Variants in RANGAP1 observed in about 807,000 individuals in gnomAD.
The protein encoded by RANGAP1 is Ran GTPase activating protein 1, also known as ran GTPase-activating protein 1.
Under a neutral mutation model 63.5 loss-of-function variants are expected in RANGAP1, and 38 were observed. The observed-to-expected ratio is 0.60, with a 90% confidence interval of 0.46 to 0.78. RANGAP1 has a LOEUF of 0.78. Ranked by LOEUF, RANGAP1 falls within the 30% of genes least tolerant of loss-of-function variation. The pLI, the probability that RANGAP1 is intolerant of heterozygous loss-of-function variation, is 0.00. For synonymous variants in RANGAP1, 329 were observed against 310.5 expected (o/e 1.06, Z -0.63); for missense variants, 630 against 740.3 (o/e 0.85, Z 1.73).
At chr22:41,250,499 C>T (rs1304884037) in intron 13 of RANGAP1, among the ~76,000 whole-genome samples, 1 of 152,102 alleles carries the variant, frequency 6.6e-6, no homozygotes, top group East Asian at 1.9e-4. Flanking sequence ...TGGAAGGTGA[C>T]AGGTGCTGGA....
chr22:41,246,302 TGGA>T lies in RANGAP1; in HGVS notation c.*298_*300del. On this transcript the variant is annotated 3_prime_UTR_variant, in exon 16 of 16. Transcript: ENST00000356244. ...CGGAGATCAGCAGAGCGCCCTCAGG[TGGA>T]GGTGAGTTTAATGGCGGAGCAGCTC... 1 of 259,530 alleles carries T rather than the reference TGGA, an allele frequency of 3.9e-6. No homozygotes were observed. The highest frequency in any genetic ancestry group is 5.1e-5 in the Admixed American group (1 of 19,748). The allele number at this position is 259,530 out of a possible 1,614,324, so 16.1% of individuals were successfully genotyped here. A position where few individuals can be genotyped will look rare whatever the true frequency, so the allele number is the denominator to read the frequency against.
upstream of RANGAP1, among the ~76,000 whole-genome samples, chr22:41,286,411 C>T (rs985424000): frequency 2.6e-5 from 4 of 152,264 alleles, no homozygotes; most frequent in Admixed American, 1.3e-4. Context: ...TTCGCCCTCC[C>T]CTGGTGGCTT....
chr22:41,249,787 G>A lies in RANGAP1; in HGVS notation c.1514C>T (p.Ser505Leu), dbSNP rs766559491. 8.1e-6 allele frequency: 13 copies of A among 1,613,876 alleles called. No homozygotes were observed. Among genetic ancestry groups the A allele is most frequent in the South Asian group, 5.5e-5 (5 of 91,084 alleles). ...DALMQKAFNS[S>L]SFNSNTFLTR... The stretch of plus-strand genomic sequence containing the variant: ...GAGGAAGGTGTTGGAGTTGAAGGAC[G>A]AGGAGTTGAAAGCCTTCTGCATCAG... Residue 505 changes from serine (S) to leucine (L), a missense_variant, in exon 14 of 16, where the codon TCG (serine) becomes TTG (leucine). By Grantham distance (145) the Ser-to-Leu change is moderately radical (BLOSUM62 -2). Coordinates refer to ENST00000356244, the MANE Select transcript of RANGAP1 (RefSeq NM_002883.4).
intron 15 of RANGAP1, among the ~76,000 whole-genome samples, chr22:41,247,181 G>T (rs944552590): frequency 1.3e-5 from 2 of 151,592 alleles, no homozygotes; most frequent in African/African-American, 4.9e-5. Flanking sequence ...TCAGCCTCCC[G>T]AGTAGCTGGG....
In RANGAP1 at chr22:41,281,384, T is replaced by C. The variant is rs1030317722; in HGVS notation, c.-38-302A>G. ...CCAGCAACACCATGTGAGCTGCCCATTTCCTGGGCCCCTTCAGTGAATGGC... is the reference window on the plus strand; with the variant it reads ...CCAGCAACACCATGTGAGCTGCCCACTTCCTGGGCCCCTTCAGTGAATGGC... On this transcript the variant is annotated intron_variant, in intron 1 of 15. Coordinates refer to ENST00000356244, the MANE Select transcript of RANGAP1 (RefSeq NM_002883.4). 2.2e-5 allele frequency: 22 copies of C among 1,001,068 alleles called. 1 individual carries two copies. The highest frequency in any genetic ancestry group is 2.5e-5 in the Non-Finnish European group (21 of 832,030). The allele number at this position is 1,001,068 out of a possible 1,614,324, so 62.0% of individuals were successfully genotyped here. A position where few individuals can be genotyped will look rare whatever the true frequency, so the allele number is the denominator to read the frequency against.
At chr22:41,263,731 A>G (rs1032248914) in intron 5 of RANGAP1, among the ~76,000 whole-genome samples, 1 of 152,202 alleles carries the variant, frequency 6.6e-6, no homozygotes, top group Non-Finnish European at 1.5e-5. Context: ...TTATTGCCCA[A>G]GTGGACTTGG....
At chr22:41,268,067 G>A (rs55893749) in intron 4 of RANGAP1, 30 bp downstream of exon 4, 81,389 of 1,505,226 alleles carry the variant, frequency 0.054, 2,612 homozygotes, top group Middle Eastern at 0.065. Flanking sequence ...GGCCTTGCGC[G>A]TGGAGGGGAA....
In RANGAP1 at chr22:41,280,966, C is replaced by T; in HGVS notation, c.79G>A (p.Gly27Ser). The change falls in exon 2 of 16, where the codon GGC becomes AGC. Residue 27 changes from glycine to serine, a missense_variant. Transcript: ENST00000356244. ...QVAGGQLSFK[G>S]KSLKLNTAED... ...GCAGTGTTGAGTTTGAGGCTCTTGC[C>T]TTTGAAACTCAGCTGTCCCCCGGCC... The T allele has an allele frequency of 1.2e-6, 2 of 1,614,020 alleles. No homozygotes were observed. Among genetic ancestry groups the T allele is most frequent in the Non-Finnish European group, 1.7e-6 (2 of 1,180,012 alleles).
At chr22:41,251,303 G>A (rs539867436) in intron 12 of RANGAP1, among the ~76,000 whole-genome samples, 194 bp from the exon 13 acceptor site, 1 of 152,254 alleles carries the variant, frequency 6.6e-6, no homozygotes, top group South Asian at 2.1e-4. Context: ...AGCATAGAGA[G>A]GGAATGAATG....
chr22:41,276,956 G>C (rs1426977028), intron 2 of RANGAP1, among the ~76,000 whole-genome samples: 1 of 145,870 alleles, frequency 6.9e-6, no homozygotes, highest in African/African-American at 2.5e-5. Flanking sequence ...CTGCACTCCA[G>C]CCTGGGCTAC....
intron 12 of RANGAP1, among the ~76,000 whole-genome samples, chr22:41,251,487 T>A (rs139501): frequency 0.83 from 125,872 of 152,016 alleles, 52,489 homozygotes; most frequent in African/African-American, 0.94. Flanking sequence ...TTAGCCAAGG[T>A]TGGTGGTGTG....
At chr22:41,298,993 C>T in the RANGAP1 span, among the ~76,000 whole-genome samples, 2 of 152,144 alleles carry the variant, frequency 1.3e-5, no homozygotes, top group African/African-American at 2.4e-5. Flanking sequence ...GTATCCTCAC[C>T]TGGCAGAGAG....
At chr22:41,265,977 C>G (rs895526699) in intron 4 of RANGAP1, among the ~76,000 whole-genome samples, 3 of 151,840 alleles carry the variant, frequency 2.0e-5, no homozygotes, top group Non-Finnish European at 4.4e-5. Context: ...CCAAGGTGGG[C>G]GGATCACGAG....
intron 2 of RANGAP1, among the ~76,000 whole-genome samples, chr22:41,279,075 G>A (rs899906833): frequency 3.3e-5 from 5 of 152,194 alleles, no homozygotes; most frequent in African/African-American, 1.2e-4. Context: ...CCCAGGAGGC[G>A]GAGCCTGCAG....
intron 5 of RANGAP1, among the ~76,000 whole-genome samples, chr22:41,264,181 G>T (rs1012584465): frequency 6.6e-6 from 1 of 152,172 alleles, no homozygotes; most frequent in Non-Finnish European, 1.5e-5. Flanking sequence ...AAGCAAAGAA[G>T]CTCCACTCTA....
the RANGAP1 span, among the ~76,000 whole-genome samples, chr22:41,296,180 C>T: frequency 6.6e-6 from 1 of 151,990 alleles, no homozygotes; most frequent in Non-Finnish European, 1.5e-5. Context: ...GATAGGAAGA[C>T]ATGCCATAGA....
upstream of RANGAP1, among the ~76,000 whole-genome samples, chr22:41,287,503 AAAAAATAC>A (rs1480920489): frequency 2.0e-5 from 3 of 151,294 alleles, no homozygotes; most frequent in Non-Finnish European, 4.4e-5. Context: ...CTGTCTCGAC[AAAAAATAC>A]AAAAATTAGT....
chr22:41,289,206 G>A (rs555826455), upstream of RANGAP1, among the ~76,000 whole-genome samples: 9 of 152,074 alleles, frequency 5.9e-5, no homozygotes, highest in East Asian at 1.7e-3. Flanking sequence ...GTACAGGCGT[G>A]AGCCACTGTG....
chr22:41,258,038 C>T lies in RANGAP1; in HGVS notation c.684G>A (p.Leu228=). 1 of 1,613,654 alleles carries T rather than the reference C, an allele frequency of 6.2e-7. No homozygotes were observed. Among genetic ancestry groups the T allele is most frequent in the Non-Finnish European group, 8.5e-7 (1 of 1,179,734 alleles). ...GGGGGTTGACAGCGAAAGCCTGGGC[C>T]AGGGCAGTGATGCCAGGGTGGTTGA... The part of the protein sequence containing the change: ...NGINHPGITA[L]AQAFAVNPLL... The change falls in exon 7 of 16, where the codon CTG becomes CTA. Residue 228 remains leucine, a synonymous_variant. Coordinates refer to ENST00000356244, the MANE Select transcript of RANGAP1 (RefSeq NM_002883.4).
Sources: gnomAD v4.1 joint callset for allele counts (sites outside exome capture counted in the v4.1 genomes callset) on GRCh38, gnomAD v4.1.1 for gene constraint, MANE v1.5 for transcripts, NCBI Gene and HGNC (gene_info 2026-07-23, HGNC 2026-07-21) for gene names.